FOXP2: variants seen among roughly 807,000 people sequenced by gnomAD.
FOXP2 encodes the protein forkhead box protein P2.
In FOXP2, 12 loss-of-function variants were observed where a neutral mutation model predicts 115.8. The ratio of observed to expected loss-of-function variants is 0.10; its 90% confidence interval spans 0.07 to 0.17. The LOEUF is 0.17. FOXP2 is among the 10% of genes least tolerant of loss of function. The pLI, the probability that FOXP2 is intolerant of heterozygous loss-of-function variation, is 1.00. For synonymous variants in FOXP2, 328 were observed against 297.7 expected (o/e 1.10, Z -1.05); for missense variants, 629 against 843.5 (o/e 0.75, Z 3.15).
At chr7:114,374,413 A>C (rs1792090889) in intron 2 of FOXP2, among the ~76,000 whole-genome samples, 1 of 152,178 alleles carries the variant, frequency 6.6e-6, no homozygotes, top group Non-Finnish European at 1.5e-5. Context: ...CTAGGTATTC[A>C]TTTTTTATAT....
intron 8 of FOXP2, among the ~76,000 whole-genome samples, chr7:114,650,344 T>C (rs1017569498): frequency 2.0e-5 from 3 of 152,004 alleles, no homozygotes; most frequent in Non-Finnish European, 4.4e-5. Flanking sequence ...CTAATCTCAG[T>C]GTATAACTGA....
rs869055954 is a variant in FOXP2 at position 114,642,779 on chromosome 7, AAT to A, written c.989+189_989+190del. On this transcript the variant is annotated intron_variant, in intron 7 of 16. Coordinates refer to ENST00000350908, the MANE Select transcript of FOXP2 (RefSeq NM_014491.4). ...AGATTATTTATCTTATTTTATATATAATATATATATATATATATATATATATA... is the reference window on the plus strand; with the variant it reads ...AGATTATTTATCTTATTTTATATATAATATATATATATATATATATATATA... 2.8e-3 allele frequency among the ~76,000 whole-genome samples: 251 copies of A among 91,162 alleles called. 3 individuals carry two copies. Among genetic ancestry groups the A allele is most frequent in the African/African-American group, 0.01 (214 of 20,608 alleles). 59.8% of individuals were successfully genotyped at this position (91,162 alleles called of 152,430 possible). A position where few individuals can be genotyped will look rare whatever the true frequency, so the allele number is the denominator to read the frequency against.
intron 1 of FOXP2, among the ~76,000 whole-genome samples, chr7:114,282,285 A>G (rs1292666241): frequency 6.6e-6 from 1 of 152,180 alleles, no homozygotes; most frequent in East Asian, 1.9e-4. Flanking sequence ...TGTTTTATTA[A>G]GGTATAGTTT....
At chr7:114,264,118 A>G (rs868864059) in intron 1 of FOXP2, among the ~76,000 whole-genome samples, 1 of 152,026 alleles carries the variant, frequency 6.6e-6, no homozygotes, top group Non-Finnish European at 1.5e-5. Flanking sequence ...AAACTCTTTA[A>G]TACTTATATT....
At chr7:114,192,358 C>A (rs1793784071) in intron 1 of FOXP2, among the ~76,000 whole-genome samples, 2 of 152,112 alleles carry the variant, frequency 1.3e-5, no homozygotes, top group Admixed American at 1.3e-4. Flanking sequence ...ATGGATGCTT[C>A]ACGGTTTGTT....
At chr7:114,387,241 G>A (rs1002019618) in intron 2 of FOXP2, among the ~76,000 whole-genome samples, 1 of 151,996 alleles carries the variant, frequency 6.6e-6, no homozygotes, top group Non-Finnish European at 1.5e-5. Context: ...CTGTATTTTG[G>A]GGAGTAGAGT....
intron 2 of FOXP2, among the ~76,000 whole-genome samples, chr7:114,292,063 A>G (rs1001104839): frequency 1.3e-5 from 2 of 148,804 alleles, no homozygotes; most frequent in African/African-American, 4.9e-5. Context: ...ATGTGTGTGC[A>G]TATATGTATG....
At chr7:114,422,933 T>C (rs182112946) in intron 1 of FOXP2, among the ~76,000 whole-genome samples, 2 of 151,670 alleles carry the variant, frequency 1.3e-5, no homozygotes, top group African/African-American at 4.8e-5. Context: ...TGTCTTTATA[T>C]CCTGCTATTT....
chr7:114,487,135 G>T (rs1268955284), intron 2 of FOXP2, among the ~76,000 whole-genome samples: 1 of 152,188 alleles, frequency 6.6e-6, no homozygotes, highest in East Asian at 1.9e-4. Context: ...CTTCTGCCTG[G>T]ACATCCAGAA....
intron 1 of FOXP2, among the ~76,000 whole-genome samples, chr7:114,123,315 A>T (rs1027722039): frequency 6.7e-6 from 1 of 150,168 alleles, no homozygotes; most frequent in African/African-American, 2.4e-5. Flanking sequence ...AATCTTGTCA[A>T]CACACTCCAG....
rs138596988 is a variant in FOXP2, at chr7:114,683,590, T to A, written c.2004-6192T>A. Among the ~76,000 whole-genome samples the A allele has an allele frequency of 3.2e-3, 494 of 152,302 alleles. 3 individuals are homozygous for A. In the Middle Eastern group the frequency reaches 0.034, roughly 10 times the overall value. On this transcript the variant is annotated intron_variant, in intron 16 of 16. Transcript: ENST00000350908. ...AAATGCTTTGAAGGTTCAGAGTAGATCAATGAAATGTGGACAGGTCGAAGT... is the reference window on the plus strand; with the variant it reads ...AAATGCTTTGAAGGTTCAGAGTAGAACAATGAAATGTGGACAGGTCGAAGT...
intron 1 of FOXP2, among the ~76,000 whole-genome samples, chr7:114,228,235 T>C (rs1794790749): frequency 6.6e-6 from 1 of 151,994 alleles, no homozygotes; most frequent in Non-Finnish European, 1.5e-5. Flanking sequence ...GATATGAGTG[T>C]TGCTGGAAAG....
intron 1 of FOXP2, chr7:114,088,347 G>A (rs1230881858): frequency 6.6e-6 from 1 of 152,256 alleles, no homozygotes; most frequent in Non-Finnish European, 1.5e-5. Context: ...TGCATATGTA[G>A]TCATCGTGGA....
At chr7:114,596,983 C>A (rs2129311413) in intron 3 of FOXP2, among the ~76,000 whole-genome samples, 1 of 152,034 alleles carries the variant, frequency 6.6e-6, no homozygotes, top group African/African-American at 2.4e-5. Context: ...AGTAGCAGAC[C>A]ATTTTCTTTG....
At chr7:114,542,359 C>CAAAATA (rs1438066310) in intron 3 of FOXP2, among the ~76,000 whole-genome samples, 3 of 152,076 alleles carry the variant, frequency 2.0e-5, no homozygotes, top group African/African-American at 7.2e-5. Context: ...TCTTACAATC[C>CAAAATA]AGTATCTAAT....
chr7:114,278,131 A>G (rs1325063857), intron 1 of FOXP2, among the ~76,000 whole-genome samples: 2 of 152,038 alleles, frequency 1.3e-5, no homozygotes, highest in Non-Finnish European at 1.5e-5. Context: ...AATTAAATAA[A>G]TAAGCAATAT....
At chr7:114,353,765 A>G (rs1009818006) in intron 2 of FOXP2, among the ~76,000 whole-genome samples, 1 of 152,000 alleles carries the variant, frequency 6.6e-6, no homozygotes, top group East Asian at 1.9e-4. Context: ...GCCACTTTGT[A>G]TGTTCAATTA....
chr7:114,215,239 G>A (rs1431156062), intron 1 of FOXP2, among the ~76,000 whole-genome samples: 1 of 152,068 alleles, frequency 6.6e-6, no homozygotes, highest in Non-Finnish European at 1.5e-5. Context: ...TCGTGGGGAA[G>A]GAAATGGTTA....
Position 114,693,500 on chromosome 7 carries a change from T to C in FOXP2, c.*3574T>C, listed in dbSNP as rs868280072. On this transcript the variant is annotated 3_prime_UTR_variant, in exon 17 of 17. Coordinates refer to ENST00000350908, the MANE Select transcript of FOXP2 (RefSeq NM_014491.4). ...CCAGTATTAACACACATTTGGACAA[T>C]AGCTTTATTAAGTCTATAAAGCTAT... 12 of 452,268 alleles carry C rather than the reference T, an allele frequency of 2.7e-5. No individual in the cohort carries two copies. The East Asian group carries it at 3.5e-4, about 13-fold the overall frequency. 28.0% of individuals were successfully genotyped at this position (452,268 alleles called of 1,614,324 possible).
Sources: allele counts gnomAD v4.1 joint callset (sites outside exome capture counted in the v4.1 genomes callset), GRCh38; gene constraint gnomAD v4.1.1; transcripts MANE v1.5; gene names NCBI Gene and HGNC (gene_info 2026-07-23, HGNC 2026-07-21).